The following ANKAR variants were observed in gnomAD, a reference collection of about 807,000 sequenced individuals.
ANKAR encodes ankyrin and armadillo repeat containing, also known as ankyrin and armadillo repeat-containing protein.
A neutral mutation model predicts 146.2 loss-of-function variants in ANKAR; 136 were observed. That is an observed-to-expected ratio of 0.93 (90% CI 0.81 to 1.07). The LOEUF (loss-of-function observed/expected upper bound fraction) is 1.07, where lower values mean the gene tolerates loss of function less well. Among genes scored for constraint, ANKAR ranks in the 50% least tolerant of loss-of-function variants. The pLI, the probability that ANKAR is intolerant of heterozygous loss-of-function variation, is 0.00. For synonymous variants in ANKAR, 500 were observed against 575.8 expected (o/e 0.87, Z 1.88); for missense variants, 1,567 against 1,679.9 (o/e 0.93, Z 1.18).
intron 12 of ANKAR, among the ~76,000 whole-genome samples, chr2:189,722,293 T>C (rs1007638914): frequency 5.0e-5 from 7 of 140,746 alleles, no homozygotes; most frequent in Admixed American, 3.0e-4. Context: ...GGGCTGAGAT[T>C]GTACCACTGC....
downstream of ANKAR, among the ~76,000 whole-genome samples, chr2:189,747,821 G>A (rs1050372431): frequency 4.6e-5 from 7 of 152,220 alleles, no homozygotes; most frequent in African/African-American, 1.7e-4. Context: ...GAGTAGCTGC[G>A]GTTACAGGCG....
rs138668205 is a variant in ANKAR, at chr2:189,729,239, T to A, written c.3193+418T>A. ...ATTTGTTTATATAACATAGAATTCA[T>A]TGCAAAGGAATTGACATTTTGGGGT... On this transcript the variant is annotated intron_variant, in intron 15 of 22. Transcript: ENST00000684021. Among the ~76,000 whole-genome samples the A allele has an allele frequency of 4.5e-3, 680 of 152,308 alleles. 11 individuals are homozygous for A. The East Asian group carries it at 0.054, about 12-fold the overall frequency.
chr2:189,714,204 A>C (rs902091614), intron 10 of ANKAR, among the ~76,000 whole-genome samples: 8 of 152,130 alleles, frequency 5.3e-5, no homozygotes, highest in African/African-American at 1.9e-4. Flanking sequence ...ATAGATCAAC[A>C]AGACAGAAAA....
intron 2 of ANKAR, among the ~76,000 whole-genome samples, chr2:189,681,573 C>T (rs1042643361): frequency 1.3e-5 from 2 of 152,206 alleles, no homozygotes; most frequent in African/African-American, 2.4e-5. Context: ...TCTACACCTA[C>T]ATTTTCAGGG....
intron 18 of ANKAR, among the ~76,000 whole-genome samples, chr2:189,756,693 C>T (rs1363590581): frequency 6.6e-6 from 1 of 152,024 alleles, no homozygotes; most frequent in Non-Finnish European, 1.5e-5. Context: ...CTTCCTTTCT[C>T]TCCCTCACTC....
intron 2 of ANKAR, among the ~76,000 whole-genome samples, chr2:189,684,568 G>A (rs762391022): frequency 2.4e-4 from 36 of 152,126 alleles, no homozygotes; most frequent in Non-Finnish European, 3.5e-4. Flanking sequence ...GAATATAAGG[G>A]AATTGGTTGG....
downstream of ANKAR, among the ~76,000 whole-genome samples, chr2:189,751,293 C>G (rs1482700368): frequency 6.6e-6 from 1 of 152,160 alleles, no homozygotes; most frequent in Non-Finnish European, 1.5e-5. Context: ...GGGGGCATAA[C>G]TGAATCAGAG....
chr2:189,685,590 G>A (rs578190385), intron 2 of ANKAR, among the ~76,000 whole-genome samples: 2 of 152,198 alleles, frequency 1.3e-5, no homozygotes, highest in South Asian at 2.1e-4. Context: ...GGCGATCCTT[G>A]CTGCTTGTTT....
Position 189,757,847 on chromosome 2 carries a change from CT to C in ANKAR, c.*585-3250del, listed in dbSNP as rs2046315345. Among the ~76,000 whole-genome samples, 5 of 152,298 alleles carry C rather than the reference CT, an allele frequency of 3.3e-5. No homozygotes were observed. The South Asian group carries it at 1.0e-3, about 32-fold the overall frequency. On this transcript the variant is annotated intron_variant and NMD_transcript_variant, in intron 18 of 18. Coordinates refer to the ANKAR transcript ENST00000441800. ...CACTGAAGCCTGTTTGCCCAGTAGT[CT>C]CCTCAAGTGACCTATGCTCTAGCTA...
At position 189,720,794 on chromosome 2, in the gene ANKAR, TTCTA is replaced by T. The variant is rs763757686; in HGVS notation, c.2635+11_2635+14del. On this transcript the variant is annotated splice_region_variant and intron_variant, in intron 12 of 22. Coordinates refer to ENST00000684021, the MANE Select transcript of ANKAR (RefSeq NM_001378068.1). ...TTTCTGAGTTCTGATTCAGGTGAGC[TTCTA>T]TCTCTGTATTATTTTATAATGACCA... The T allele has an allele frequency of 1.4e-6, 2 of 1,458,538 alleles. No individual in the cohort carries two copies. Among genetic ancestry groups the T allele is most frequent in the East Asian group, 5.1e-5 (2 of 39,132 alleles). 90.3% of individuals were successfully genotyped at this position (1,458,538 alleles called of 1,614,324 possible).
At chr2:189,704,921 C>A in intron 7 of ANKAR, 102 bp from the exon 8 acceptor site, 2 of 1,037,846 alleles carry the variant, frequency 1.9e-6, no homozygotes, top group Non-Finnish European at 2.8e-6. Flanking sequence ...GATTTTATAT[C>A]ATACAATACT....
chr2:189,755,767 T>TA, intron 18 of ANKAR, among the ~76,000 whole-genome samples: 1 of 152,196 alleles, frequency 6.6e-6, no homozygotes, highest in Admixed American at 6.5e-5. Context: ...ACTTTTTCAG[T>TA]TTATGCACAA....
At chr2:189,683,106 C>T (rs186390615) in intron 2 of ANKAR, among the ~76,000 whole-genome samples, 134 of 152,268 alleles carry the variant, frequency 8.8e-4, no homozygotes, top group Non-Finnish European at 1.4e-3. Flanking sequence ...AAGAAGGTAC[C>T]GTCTATGAAC....
At chr2:189,699,856 G>C (rs1469703617) in intron 7 of ANKAR, among the ~76,000 whole-genome samples, 1 of 152,092 alleles carries the variant, frequency 6.6e-6, no homozygotes, top group Admixed American at 6.5e-5. Context: ...AGTAGAGACA[G>C]GGTTTCACCA....
In ANKAR at chr2:189,684,288, TC is replaced by T. The variant is rs1420161643; in HGVS notation, c.602-5237del. 5.3e-5 allele frequency among the ~76,000 whole-genome samples: 8 copies of T among 152,240 alleles called. 1 individual carries two copies. In the East Asian group the frequency reaches 1.5e-3, roughly 29 times the overall value. On this transcript the variant is annotated intron_variant, in intron 2 of 22. Coordinates refer to ENST00000684021, the MANE Select transcript of ANKAR (RefSeq NM_001378068.1). Reference sequence around the variant, plus strand: ...CACCCCACACCACTGTCCACTTTCTTCCTAGGGTTATTGCTACTCATTTTTT... The same window carrying T: ...CACCCCACACCACTGTCCACTTTCTTCTAGGGTTATTGCTACTCATTTTTT...
In ANKAR at chr2:189,727,954, C is replaced by T; in HGVS notation, c.2734C>T (p.Leu912=). ...AGCTATGGAGGGAGCGATTCCTCCT[C>T]TGGTGGCTCTTTTTAAAGGGAAACA... ...AIAMEGAIPP[L]VALFKGKQIS... Residue 912 remains leucine, a synonymous_variant, in exon 13 of 23, where the codon CTG becomes TTG. Transcript: ENST00000684021. 4 of 1,614,026 alleles carry T rather than the reference C, an allele frequency of 2.5e-6. No individual in the cohort carries two copies. Among genetic ancestry groups the T allele is most frequent in the Non-Finnish European group, 3.4e-6 (4 of 1,179,980 alleles).
At chr2:189,690,447 A>G (rs546361237) in intron 3 of ANKAR, among the ~76,000 whole-genome samples, 2 of 152,340 alleles carry the variant, frequency 1.3e-5, no homozygotes, top group East Asian at 3.9e-4. Context: ...TGAGGGCAGT[A>G]TTGGCACTTT....
intron 10 of ANKAR, among the ~76,000 whole-genome samples, chr2:189,714,885 G>T (rs1461189074): frequency 6.9e-6 from 1 of 145,958 alleles, no homozygotes; most frequent in Non-Finnish European, 1.5e-5. Flanking sequence ...GGCGGAGCTT[G>T]CAGTGAGCCA....
intron 2 of ANKAR, among the ~76,000 whole-genome samples, chr2:189,687,813 T>A (rs888947462): frequency 2.6e-5 from 4 of 152,220 alleles, no homozygotes; most frequent in Admixed American, 2.6e-4. Context: ...CAGATTAGAA[T>A]TTTTTCCTGT....
Sources: allele counts gnomAD v4.1 joint callset (sites outside exome capture counted in the v4.1 genomes callset), GRCh38; gene constraint gnomAD v4.1.1; transcripts MANE v1.5; gene names NCBI Gene and HGNC (gene_info 2026-07-23, HGNC 2026-07-21).